Variants in GRIPAP1 observed in about 807,000 individuals in gnomAD.
The protein encoded by GRIPAP1 is GRIP1 associated protein 1, also known as GRIP1-associated protein 1.
A neutral mutation model predicts 84.1 loss-of-function variants in GRIPAP1; 14 were observed. That is an observed-to-expected ratio of 0.17 (90% CI 0.11 to 0.26). GRIPAP1 has a LOEUF of 0.26. Among genes scored for constraint, GRIPAP1 ranks in the 10% least tolerant of loss-of-function variants. The pLI is 1.00. For missense variants in GRIPAP1, 518 were observed against 674.2 expected, an observed-to-expected ratio of 0.77 and a Z score of 2.57; for synonymous variants, 261 against 256.8, an observed-to-expected ratio of 1.02 and a Z score of -0.15.
chrX:48,991,871 C>T (rs1442366684), intron 6 of GRIPAP1, among the ~76,000 whole-genome samples: 2 of 111,904 alleles, frequency 1.8e-5, no homozygotes, highest in African/African-American at 6.5e-5. Flanking sequence ...CAGTCTTGCT[C>T]TGTTGCCCAG....
At chrX:48,979,433 C>T (rs1360814675) in intron 21 of GRIPAP1, among the ~76,000 whole-genome samples, 16 of 77,233 alleles carry the variant, frequency 2.1e-4, no homozygotes, top group African/African-American at 6.1e-4. Flanking sequence ...GCCGAGATCG[C>T]GCCACTGCAC....
In GRIPAP1 at chrX:48,983,429, C is replaced by T. The variant is rs141149360; in HGVS notation, c.1284G>A (p.Lys428=). Residue 428 remains lysine, a synonymous_variant, in exon 16 of 26, where the codon AAG becomes AAA. Transcript: ENST00000376423. ...CTAGCTCATCCAGCATGGCCTTCCGCTTCTCCGCACTCTGGGGGCCAGGAC... is the reference window on the plus strand; with the variant it reads ...CTAGCTCATCCAGCATGGCCTTCCGTTTCTCCGCACTCTGGGGGCCAGGAC... ...ELQEARKSAE[K]RKAMLDELAM... 5.2e-4 allele frequency: 626 copies of T among 1,206,574 alleles called. No individual in the cohort carries two copies. The highest frequency in any genetic ancestry group is 7.2e-4 in the Admixed American group (33 of 45,768).
chrX:48,998,205 G>C (rs188438181), intron 3 of GRIPAP1, 25 bp from the exon 4 acceptor site: 1 of 1,132,218 alleles, frequency 8.8e-7, no homozygotes, highest in Non-Finnish European at 1.2e-6. Flanking sequence ...GGTGGGAAGA[G>C]AGCTAAAGTG....
intron 8 of GRIPAP1, 36 bp downstream of exon 8, chrX:48,990,649 T>C (rs2064514878): frequency 1.8e-6 from 2 of 1,138,418 alleles, no homozygotes; most frequent in African/African-American, 1.8e-5. Context: ...ATCCAGCAGA[T>C]TGGGAGCAGA....
chrX:48,981,119 C>T, intron 21 of GRIPAP1, 96 bp downstream of exon 21: 1 of 583,178 alleles, frequency 1.7e-6, no homozygotes, highest in Non-Finnish European at 2.9e-6. Flanking sequence ...AGCAGGAAAG[C>T]ACAGCTGAGG....
intron 24 of GRIPAP1, 151 bp downstream of exon 24, chrX:48,975,867 G>C: frequency 2.1e-6 from 1 of 465,473 alleles, no homozygotes; most frequent in African/African-American, 2.4e-5. Context: ...TCAAGAGACA[G>C]TGCTTTCCTG....
chrX:48,975,394 A>G (rs1346319774), intron 24 of GRIPAP1, 85 bp from the exon 25 acceptor site: 58 of 941,984 alleles, frequency 6.2e-5, no homozygotes, highest in Non-Finnish European at 7.7e-5. Flanking sequence ...AGGGAGACGA[A>G]TACCAGGGGA....
chrX:48,989,947 G>A, intron 9 of GRIPAP1, 25 bp downstream of exon 9: 2 of 1,203,524 alleles, frequency 1.7e-6, no homozygotes, highest in Non-Finnish European at 2.3e-6. Context: ...TCGGCCCCCA[G>A]TACCCTTGGG....
intron 17 of GRIPAP1, 33 bp downstream of exon 17, chrX:48,982,946 G>A: frequency 3.1e-6 from 3 of 952,836 alleles, no homozygotes; most frequent in Non-Finnish European, 4.5e-6. Context: ...GCCCCAATCA[G>A]CCTCTGTTCC....
chrX:48,987,998 C>A, intron 12 of GRIPAP1, 121 bp from the exon 13 acceptor site: 1 of 611,789 alleles, frequency 1.6e-6, no homozygotes, highest in Non-Finnish European at 2.6e-6. Flanking sequence ...CACACACACA[C>A]ACACACACAC....
intron 11 of GRIPAP1, 73 bp from the exon 12 acceptor site, chrX:48,988,271 T>A: frequency 1.4e-6 from 1 of 719,368 alleles, no homozygotes; most frequent in Non-Finnish European, 2.1e-6. Context: ...AGACTCTCTG[T>A]TTGACCACCC....
rs781811646 is a variant in GRIPAP1 at position 48,983,276 on chromosome X, G to C, written c.1437C>G (p.Asp479Glu). ...GGAGCTCCTCCTCCTGACGCTTCTT[G>C]TCTTCATGCAGCTCTCGGAGCTCAC... ...YERELRELHE[D>E]KKRQEEELRG... is the part of the protein sequence containing the mutation. Residue 479 changes from aspartate (D) to glutamate (E), a missense_variant, in exon 16 of 26, where the codon GAC becomes GAG. This residue lies in a region of GRIPAP1 where 372 missense variants were observed against 458.1 expected (regional missense o/e 0.81). Coordinates refer to ENST00000376423, the MANE Select transcript of GRIPAP1 (RefSeq NM_020137.5). The C allele has an allele frequency of 9.9e-6, 12 of 1,211,103 alleles. No homozygotes were observed.
chrX:49,001,341 C>A (rs1602481750), intron 1 of GRIPAP1, among the ~76,000 whole-genome samples: 1 of 105,604 alleles, frequency 9.5e-6, no homozygotes, highest in African/African-American at 3.6e-5. Flanking sequence ...CCTCCCCATG[C>A]AGGACCCTGT....
At chrX:48,995,026 T>C (rs1557066464) in intron 5 of GRIPAP1, among the ~76,000 whole-genome samples, 1 of 112,197 alleles carries the variant, frequency 8.9e-6, no homozygotes, top group Non-Finnish European at 1.9e-5. Context: ...AGAGTGGAGA[T>C]CATTCTGTGC....
chrX:48,987,335 G>A (rs1389288523), intron 13 of GRIPAP1, among the ~76,000 whole-genome samples: 4 of 105,339 alleles, frequency 3.8e-5, no homozygotes, highest in Admixed American at 3.1e-4. Context: ...TTTTAGTAGA[G>A]ATGGGGTTTC....
intron 14 of GRIPAP1, 44 bp from the exon 15 acceptor site, chrX:48,983,914 A>G: frequency 2.6e-6 from 2 of 772,731 alleles, no homozygotes; most frequent in African/African-American, 4.0e-5. Flanking sequence ...AAGAGCATCC[A>G]GTAGGTGCTA....
At chrX:48,985,440 G>T (rs782449545) in intron 13 of GRIPAP1, 38 bp from the exon 14 acceptor site, 2 of 1,168,799 alleles carry the variant, frequency 1.7e-6, no homozygotes, top group East Asian at 6.0e-5. Flanking sequence ...AGAGTGAAAG[G>T]GACCCCAGGG....
In GRIPAP1 at chrX:49,002,204, T is replaced by G. The variant is rs782574575; in HGVS notation, c.26A>C (p.Glu9Ala). ...GAGCGGCACCTGCATCCGCTGAAAC[T>G]CCTCCTCAGACAGAGCTTGCGCCAT... is the stretch of plus-strand genomic sequence containing the variant. The part of the protein sequence containing the change: MAQALSEE[E>A]FQRMQAQLLE... The change falls in exon 1 of 26, where the codon GAG (glutamate) becomes GCG (alanine). Residue 9 changes from glutamate (E) to alanine (A), a missense_variant. Physicochemically the swap from Glu to Ala is moderately radical, Grantham distance 107. Coordinates refer to ENST00000376423, the MANE Select transcript of GRIPAP1 (RefSeq NM_020137.5). 1.7e-6 allele frequency: 2 copies of G among 1,172,901 alleles called. No homozygotes were observed. The highest frequency in any genetic ancestry group is 1.8e-5 in the South Asian group (1 of 54,925).
At chrX:48,994,469 C>A (rs2064536816) in intron 5 of GRIPAP1, among the ~76,000 whole-genome samples, 1 of 111,057 alleles carries the variant, frequency 9.0e-6, no homozygotes. Context: ...GGTGATCCAC[C>A]TGCCTCGGCC....
Sources: gnomAD v4.1 joint callset for allele counts (sites outside exome capture counted in the v4.1 genomes callset) on GRCh38, gnomAD v4.1.1 for gene constraint, gnomAD v4.1.1 regional missense constraint, MANE v1.5 for transcripts, NCBI Gene and HGNC (gene_info 2026-07-23, HGNC 2026-07-21) for gene names.